ATOSA: variants seen among roughly 807,000 people sequenced by gnomAD.
ATOSA encodes atos homolog protein A.
the ATOSA span, among the ~76,000 whole-genome samples, chr15:52,639,224 G>T: frequency 0.023 from 3,469 of 152,196 alleles, 107 homozygotes; most frequent in African/African-American, 0.072. Context: ...TACTAGAAGG[G>T]ATAAGTGCTA....
At chr15:52,675,419 TAC>T in the ATOSA span, among the ~76,000 whole-genome samples, 10,891 of 152,190 alleles carry the variant, frequency 0.072, 631 homozygotes, top group East Asian at 0.24. Flanking sequence ...CTTAAACTTT[TAC>T]AGTTAGCCAA....
At chr15:52,638,958 A>G in the ATOSA span, among the ~76,000 whole-genome samples, 2 of 152,026 alleles carry the variant, frequency 1.3e-5, no homozygotes, top group Non-Finnish European at 2.9e-5. Flanking sequence ...ATCATATTTA[A>G]GAAGCCTCCC....
At chr15:52,669,988 C>T in the ATOSA span, among the ~76,000 whole-genome samples, 3 of 152,298 alleles carry the variant, frequency 2.0e-5, no homozygotes, top group Non-Finnish European at 4.4e-5. Context: ...CTGCCTCACT[C>T]TCTGCCCTGA....
the ATOSA span, among the ~76,000 whole-genome samples, chr15:52,655,430 G>A: frequency 1.3e-5 from 2 of 152,078 alleles, no homozygotes; most frequent in Non-Finnish European, 2.9e-5. Flanking sequence ...GGTTCAATCT[G>A]TAAAACTTCA....
At chr15:52,599,519 T>G in the ATOSA span, among the ~76,000 whole-genome samples, 1 of 152,184 alleles carries the variant, frequency 6.6e-6, no homozygotes, top group Admixed American at 6.5e-5. Context: ...CCTAAAAAAC[T>G]CACCAGTTAA....
chr15:52,629,829 A>C, the ATOSA span, among the ~76,000 whole-genome samples: 6 of 152,254 alleles, frequency 3.9e-5, no homozygotes, highest in East Asian at 1.2e-3. Flanking sequence ...AAAAAAAAGA[A>C]AAGACTAGAA....
At chr15:52,584,101 A>G in the ATOSA span, among the ~76,000 whole-genome samples, 1 of 151,078 alleles carries the variant, frequency 6.6e-6, no homozygotes, top group East Asian at 1.9e-4. Context: ...AAAAAAAAAA[A>G]AAAAAAAAAG....
At chr15:52,605,273 T>C in the ATOSA span, 79 of 1,489,836 alleles carry the variant, frequency 5.3e-5, no homozygotes, top group African/African-American at 8.1e-4. Context: ...TAGATGTTAA[T>C]TGTAATATTT....
chr15:52,651,748 T>A, the ATOSA span: 2 of 941,258 alleles, frequency 2.1e-6, no homozygotes, highest in South Asian at 3.2e-5. Context: ...CAAAGTGAGA[T>A]AATTTTCCTA....
chr15:52,595,732 T>G, the ATOSA span, among the ~76,000 whole-genome samples: 3 of 152,200 alleles, frequency 2.0e-5, no homozygotes, highest in Admixed American at 2.0e-4. Flanking sequence ...TTAAAAATAC[T>G]AGCAATGAAC....
the ATOSA span, among the ~76,000 whole-genome samples, chr15:52,659,846 G>T: frequency 6.6e-6 from 1 of 151,326 alleles, no homozygotes; most frequent in Non-Finnish European, 1.5e-5. Flanking sequence ...TCTCTAAAAA[G>T]AAAAAAATAT....
the ATOSA span, among the ~76,000 whole-genome samples, chr15:52,690,289 A>T: frequency 6.6e-6 from 1 of 152,358 alleles, no homozygotes; most frequent in African/African-American, 2.4e-5. Context: ...CAAGATTGAC[A>T]TGACTCCAGC....
the ATOSA span, among the ~76,000 whole-genome samples, chr15:52,709,037 G>A: frequency 2.0e-5 from 3 of 152,064 alleles, no homozygotes; most frequent in Non-Finnish European, 4.4e-5. Flanking sequence ...TGGAGAGTAT[G>A]GGAGAGTACT....
At chr15:52,677,909 T>G in the ATOSA span, 1 of 1,459,014 alleles carries the variant, frequency 6.9e-7, no homozygotes, top group Non-Finnish European at 9.6e-7. Context: ...GATACAGAAA[T>G]AGTTGATCCT....
chr15:52,582,269 C>T, the ATOSA span: 1 of 1,595,168 alleles, frequency 6.3e-7, no homozygotes, highest in Non-Finnish European at 8.5e-7. Flanking sequence ...CCGTACGTCT[C>T]TATGGAGGTA....
chr15:52,706,713 G>T, the ATOSA span, among the ~76,000 whole-genome samples: 2 of 152,264 alleles, frequency 1.3e-5, no homozygotes, highest in Non-Finnish European at 2.9e-5. Flanking sequence ...TCTATACAGA[G>T]AATAATTTAG....
At chr15:52,679,858 A>C in the ATOSA span, among the ~76,000 whole-genome samples, 1 of 128,988 alleles carries the variant, frequency 7.8e-6, no homozygotes, top group Non-Finnish European at 1.6e-5. Context: ...GCTGGCACAG[A>C]GTTGTGATCG....
the ATOSA span, chr15:52,587,307 A>C: frequency 1.8e-6 from 2 of 1,096,520 alleles, no homozygotes; most frequent in Admixed American, 2.5e-5. Context: ...AATTTATTAA[A>C]ATTTCAGAAT....
chr15:52,605,346 AG>A, the ATOSA span: 1 of 784,796 alleles, frequency 1.3e-6, no homozygotes, highest in Non-Finnish European at 2.0e-6. Context: ...ATACATTCTG[AG>A]GTATTGCTGG....
Sources: allele counts gnomAD v4.1 joint callset (sites outside exome capture counted in the v4.1 genomes callset), GRCh38; gene constraint gnomAD v4.1.1; transcripts MANE v1.5; gene names NCBI Gene and HGNC (gene_info 2026-07-23, HGNC 2026-07-21).